ARSF: variants seen among roughly 807,000 people sequenced by gnomAD.
The protein encoded by ARSF is arylsulfatase F.
A neutral mutation model predicts 35.4 loss-of-function variants in ARSF; 33 were observed. The observed-to-expected ratio is 0.93, with a 90% confidence interval of 0.71 to 1.25. The LOEUF is 1.25. Among genes scored for constraint, ARSF ranks in the 50% most tolerant of loss-of-function variants. The pLI, the probability that ARSF is intolerant of heterozygous loss-of-function variation, is 0.00. For missense variants in ARSF, 501 were observed against 480.2 expected (o/e 1.04, Z -0.40); for synonymous variants, 222 against 193.1 (o/e 1.15, Z -1.24).
At chrX:3,082,974 T>C (rs755477834) in intron 5 of ARSF, among the ~76,000 whole-genome samples, 3 of 110,285 alleles carry the variant, frequency 2.7e-5, no homozygotes, top group Non-Finnish European at 3.8e-5. Context: ...CTTATCTATT[T>C]ATCTATCTAT....
At chrX:3,065,153 GA>G (rs1356845636) in intron 1 of ARSF, among the ~76,000 whole-genome samples, 1 of 110,265 alleles carries the variant, frequency 9.1e-6, no homozygotes, top group Admixed American at 9.8e-5. Flanking sequence ...GATGAAGCTG[GA>G]AACCATCATT....
chrX:3,082,684 A>G (rs768426639), intron 5 of ARSF, among the ~76,000 whole-genome samples: 3 of 111,709 alleles, frequency 2.7e-5, no homozygotes, highest in East Asian at 5.6e-4. Flanking sequence ...ATATACAAAT[A>G]TGCTCCATCT....
intron 1 of ARSF, among the ~76,000 whole-genome samples, chrX:3,052,200 G>A (rs1473656090): frequency 5.4e-5 from 6 of 111,871 alleles, no homozygotes; most frequent in Non-Finnish European, 9.4e-5. Flanking sequence ...CTAAGAAAAA[G>A]CAAATGCATA....
At chrX:3,088,195 C>T (rs1262359529) in intron 6 of ARSF, among the ~76,000 whole-genome samples, 1 of 111,812 alleles carries the variant, frequency 8.9e-6, no homozygotes, top group Non-Finnish European at 1.9e-5. Context: ...CCTGTTTGTA[C>T]TGGCTTATGG....
At position 3,062,836 on chromosome X, in the gene ARSF, C is replaced by G. The variant is rs946349593; in HGVS notation, c.-28-5237C>G. On this transcript the variant is annotated intron_variant, in intron 1 of 10. Transcript: ENST00000381127. ...AATAGCCTACCAACCAAAAAAAGTCCAGGACCAGATGGATTCACAGCCAAA... is the reference window on the plus strand; with the variant it reads ...AATAGCCTACCAACCAAAAAAAGTCGAGGACCAGATGGATTCACAGCCAAA... Among the ~76,000 whole-genome samples the G allele has an allele frequency of 5.7e-4, 64 of 111,392 alleles. 2 individuals are homozygous for G. The highest frequency in any genetic ancestry group is 2.0e-3 in the African/African-American group (62 of 30,658).
At chrX:3,069,909 T>C (rs1460021561) in intron 2 of ARSF, among the ~76,000 whole-genome samples, 3 of 111,787 alleles carry the variant, frequency 2.7e-5, no homozygotes, top group Non-Finnish European at 5.6e-5. Flanking sequence ...GAGAACACTT[T>C]GAGTAGATTT....
chrX:3,069,457 G>T (rs2090087792), intron 2 of ARSF, among the ~76,000 whole-genome samples: 1 of 109,174 alleles, frequency 9.2e-6, no homozygotes, highest in Non-Finnish European at 1.9e-5. Context: ...CAGAGTAGCT[G>T]GGACTACAGG....
rs1393321780 is a variant in ARSF at position 3,076,769 on chromosome X, G to A, written c.283+100G>A. 2.8e-6 allele frequency: 3 copies of A among 1,079,580 alleles called. No homozygotes were observed. In the African/African-American group the frequency reaches 5.5e-5, roughly 20 times the overall value. The allele number at this position is 1,079,580 out of a possible 1,213,427, so 89.0% of individuals were successfully genotyped here. A position where few individuals can be genotyped will look rare whatever the true frequency, so the allele number is the denominator to read the frequency against. On this transcript the variant is annotated intron_variant, in intron 4 of 10. Transcript: ENST00000381127. ...ACGTTAACAAGTAAAAAAGGGCTGG[G>A]CACGATGGCTCACGCCTGTAATCCC...
chrX:3,082,009 A>T, intron 5 of ARSF, among the ~76,000 whole-genome samples: 1 of 111,415 alleles, frequency 9.0e-6, no homozygotes, highest in Non-Finnish European at 1.9e-5. Context: ...CCTCTCCTCT[A>T]CCTATCCCCA....
chrX:3,112,667 A>T lies in ARSF; in HGVS notation c.*111A>T, dbSNP rs189758946. On this transcript the variant is annotated 3_prime_UTR_variant, in exon 11 of 11. Coordinates refer to ENST00000381127, the MANE Select transcript of ARSF (RefSeq NM_001201539.2). ...GTGCTTTCAAGTTGGCAAGGAGTGC[A>T]TTTAATAGTCAATAAATTCATCTAC... The T allele has an allele frequency of 2.0e-6, 2 of 1,001,942 alleles. No individual in the cohort carries two copies. Among genetic ancestry groups the T allele is most frequent in the Admixed American group, 8.2e-5 (2 of 24,469 alleles). The allele number at this position is 1,001,942 out of a possible 1,213,427, so 82.6% of individuals were successfully genotyped here.
intron 6 of ARSF, among the ~76,000 whole-genome samples, chrX:3,087,950 A>C (rs949266362): frequency 8.9e-6 from 1 of 112,363 alleles, no homozygotes; most frequent in Admixed American, 9.4e-5. Flanking sequence ...GTCACTGTTC[A>C]AGACACCATG....
rs148462137 is a variant in ARSF, at chrX:3,094,596, T to C, written c.967+4964T>C. Among the ~76,000 whole-genome samples, 551 of 111,254 alleles carry C rather than the reference T, an allele frequency of 5.0e-3. 3 individuals carry two copies. Among genetic ancestry groups the C allele is most frequent in the African/African-American group, 0.016 (496 of 30,689 alleles). On this transcript the variant is annotated intron_variant, in intron 7 of 10. Transcript: ENST00000381127. ...TTTCTCAAGAATGCAGATAAGAAAG[T>C]AAAATGTGCAAAAATGAGTAGGAGA...
chrX:3,080,140 A>G (rs896242520), intron 4 of ARSF, among the ~76,000 whole-genome samples: 6 of 110,877 alleles, frequency 5.4e-5, no homozygotes, highest in Admixed American at 1.9e-4. Context: ...TATCAACCCT[A>G]CTGCCAGTCT....
intron 1 of ARSF, among the ~76,000 whole-genome samples, chrX:3,051,997 C>T (rs2089998759): frequency 9.1e-6 from 1 of 110,159 alleles, no homozygotes; most frequent in Non-Finnish European, 1.9e-5. Context: ...TGTCTCAAAA[C>T]AACAACAACA....
intron 1 of ARSF, among the ~76,000 whole-genome samples, chrX:3,054,394 A>G (rs763101591): frequency 1.8e-5 from 2 of 111,459 alleles, no homozygotes; most frequent in African/African-American, 3.3e-5. Flanking sequence ...GTGGCTCCAC[A>G]ATGACTTTTT....
At chrX:3,079,726 G>A (rs1207373284) in intron 4 of ARSF, among the ~76,000 whole-genome samples, 1 of 108,381 alleles carries the variant, frequency 9.2e-6, no homozygotes, top group African/African-American at 3.4e-5. Context: ...TTGGGAAGCT[G>A]AGGAGGGCAG....
chrX:3,070,254 C>A (rs749094085), intron 2 of ARSF, among the ~76,000 whole-genome samples: 2 of 111,634 alleles, frequency 1.8e-5, no homozygotes, highest in Non-Finnish European at 3.8e-5. Context: ...GAATAATATT[C>A]CACGGTGTAT....
rs375487889 is a variant in ARSF at position 3,101,053 on chromosome X, A to G, written c.968-34A>G. Reference sequence around the variant, plus strand: ...TAGGGGTGAAATACCTCATAATGTCATTATTTTTACTTGTCTCTTGTATAT... The same window carrying G: ...TAGGGGTGAAATACCTCATAATGTCGTTATTTTTACTTGTCTCTTGTATAT... On this transcript the variant is annotated intron_variant, in intron 7 of 10. Coordinates refer to ENST00000381127, the MANE Select transcript of ARSF (RefSeq NM_001201539.2). 4.2e-6 allele frequency: 5 copies of G among 1,193,711 alleles called. No individual in the cohort carries two copies. In the African/African-American group the frequency reaches 8.8e-5, roughly 21 times the overall value.
intron 6 of ARSF, among the ~76,000 whole-genome samples, chrX:3,088,260 T>C (rs2090262575): frequency 8.9e-6 from 1 of 111,930 alleles, no homozygotes; most frequent in Non-Finnish European, 1.9e-5. Context: ...TGTCTCTTGA[T>C]GTATCTCAGG....
Sources: gnomAD v4.1 joint callset for allele counts (sites outside exome capture counted in the v4.1 genomes callset) on GRCh38, gnomAD v4.1.1 for gene constraint, MANE v1.5 for transcripts, NCBI Gene and HGNC (gene_info 2026-07-23, HGNC 2026-07-21) for gene names.